Variants in SHISA5 observed in about 807,000 individuals in gnomAD.
The protein encoded by SHISA5 is protein shisa-5.
SHISA5 carries 21 observed loss-of-function variants against 27.5 expected under a neutral mutation model. That is an observed-to-expected ratio of 0.76 (90% CI 0.54 to 1.10). The LOEUF (loss-of-function observed/expected upper bound fraction) is 1.10. Among genes scored for constraint, SHISA5 ranks in the 50% least tolerant of loss-of-function variants. The pLI, the probability that SHISA5 is intolerant of heterozygous loss-of-function variation, is 0.00. For synonymous variants in SHISA5, 137 were observed against 142.2 expected (o/e 0.96, Z 0.26); for missense variants, 314 against 336.3 (o/e 0.93, Z 0.52).
chr3:48,472,696 C>A (rs2040678829), intron 3 of SHISA5, among the ~76,000 whole-genome samples: 1 of 152,070 alleles, frequency 6.6e-6, no homozygotes, highest in African/African-American at 2.4e-5. Flanking sequence ...CCACCCTACC[C>A]CGCCCTGGGA....
intron 3 of SHISA5, among the ~76,000 whole-genome samples, chr3:48,478,026 G>A (rs1270036502): frequency 6.6e-6 from 1 of 152,212 alleles, no homozygotes. Context: ...AGCGCTCCCA[G>A]AACCCTCTGT....
chr3:48,501,281 A>G lies in SHISA5; in HGVS notation c.89T>C (p.Val30Ala). The change falls in exon 2 of 6, where the codon GTG becomes GCG. Residue 30 changes from valine to alanine, a missense_variant. By Grantham distance (64) the Val-to-Ala change is moderately conservative. Transcript: ENST00000296444. The part of the protein sequence containing the change: ...LTPPPGARGE[V>A]CMASRGLSLF... ...GCTGAGTCCACGGGAAGCCATACAC[A>G]CCTCACCACGTGCTGGAGAGGAGAA... 6.2e-7 allele frequency: 1 copy of G among 1,613,712 alleles called. No individual in the cohort carries two copies. Among genetic ancestry groups the G allele is most frequent in the Non-Finnish European group, 8.5e-7 (1 of 1,179,816 alleles).
At chr3:48,497,583 C>T (rs554918816) in intron 2 of SHISA5, among the ~76,000 whole-genome samples, 71 of 151,584 alleles carry the variant, frequency 4.7e-4, no homozygotes, top group Non-Finnish European at 8.0e-4. Flanking sequence ...TCTTAAAAAG[C>T]AATCGGAGGG....
At chr3:48,475,145 T>G (rs1470088820) in intron 3 of SHISA5, among the ~76,000 whole-genome samples, 1 of 151,854 alleles carries the variant, frequency 6.6e-6, no homozygotes, top group Non-Finnish European at 1.5e-5. Flanking sequence ...AATTAATCAA[T>G]AAATATTGGA....
rs576316492 is a variant in SHISA5, at chr3:48,500,241, T to C, written c.233+896A>G. 2.0e-5 allele frequency among the ~76,000 whole-genome samples: 3 copies of C among 152,290 alleles called. No homozygotes were observed. In the South Asian group the frequency reaches 6.2e-4, roughly 32 times the overall value. ...ACCGACTTTGCAAGAACTCAAATAA[T>C]GAAAAGGATGTACCTTATACATAGC... is the stretch of plus-strand genomic sequence containing the variant. On this transcript the variant is annotated intron_variant, in intron 2 of 5. Transcript: ENST00000296444.
intron 2 of SHISA5, among the ~76,000 whole-genome samples, chr3:48,497,707 G>A (rs1003130706): frequency 2.6e-5 from 4 of 151,856 alleles, no homozygotes; most frequent in Admixed American, 6.6e-5. Flanking sequence ...GGCAACATAG[G>A]GAGACCCTGT....
At chr3:48,497,267 T>G (rs1162815991) in intron 2 of SHISA5, among the ~76,000 whole-genome samples, 1 of 147,118 alleles carries the variant, frequency 6.8e-6, no homozygotes, top group Admixed American at 6.7e-5. Context: ...AACAAGTTTT[T>G]TTTTTTTTTT....
Position 48,469,025 on chromosome 3 carries a change from G to A in SHISA5, c.*82C>T. The A allele has an allele frequency of 6.2e-7, 1 of 1,601,196 alleles. No individual in the cohort carries two copies. The highest frequency in any genetic ancestry group is 8.5e-7 in the Non-Finnish European group (1 of 1,176,436). ...GTGCCTGGACACACACAGCACACAT[G>A]GGGCGTAAGGAACCGCGCCTGCACA... is the stretch of plus-strand genomic sequence containing the variant. On this transcript the variant is annotated 3_prime_UTR_variant, in exon 6 of 6. Coordinates refer to ENST00000296444, the MANE Select transcript of SHISA5 (RefSeq NM_016479.6). The surrounding 1 kb of genome is among the most constrained non-coding windows in gnomAD (Gnocchi z 4.6).
chr3:48,483,361 C>A (rs2041086459), intron 2 of SHISA5, among the ~76,000 whole-genome samples: 1 of 151,978 alleles, frequency 6.6e-6, no homozygotes, highest in Admixed American at 6.6e-5. Context: ...TCCATTTAAC[C>A]CTGAGTGGAC....
chr3:48,501,469 G>T (rs2041753821), intron 1 of SHISA5, among the ~76,000 whole-genome samples, 176 bp from the exon 2 acceptor site: 1 of 151,998 alleles, frequency 6.6e-6, no homozygotes, highest in South Asian at 2.1e-4. Flanking sequence ...CCTCAGCCTT[G>T]CCCTATCCCA....
At chr3:48,489,990 T>C (rs1575325512) in intron 2 of SHISA5, among the ~76,000 whole-genome samples, 2 of 152,154 alleles carry the variant, frequency 1.3e-5, no homozygotes, top group South Asian at 4.1e-4. Flanking sequence ...GACAATTCAA[T>C]CATCAAGGCT....
chr3:48,475,363 G>A lies in SHISA5; in HGVS notation c.314+3814C>T, dbSNP rs1019634862. Among the ~76,000 whole-genome samples, 7 of 152,168 alleles carry A rather than the reference G, an allele frequency of 4.6e-5. 1 individual carries two copies. The South Asian group carries it at 1.5e-3, about 32-fold the overall frequency. ...CAAAAGGCAGAGTCGGCCCAAGCAG[G>A]AGGGAGCAGAAGGCAGAGGGGCAGC... On this transcript the variant is annotated intron_variant, in intron 3 of 5. Transcript: ENST00000296444.
chr3:48,475,599 G>A lies in SHISA5; in HGVS notation c.314+3578C>T, dbSNP rs548374998. Among the ~76,000 whole-genome samples, 4 of 152,292 alleles carry A rather than the reference G, an allele frequency of 2.6e-5. No individual in the cohort carries two copies. In the East Asian group the frequency reaches 5.8e-4, roughly 22 times the overall value. On this transcript the variant is annotated intron_variant, in intron 3 of 5. Transcript: ENST00000296444. ...GCTTTGAGGGCTGGGAGGTAGCACC[G>A]GGGCTGTGGCCACACCTCGCCTAAT...
chr3:48,480,605 A>G (rs946505248), intron 2 of SHISA5, among the ~76,000 whole-genome samples: 1 of 152,022 alleles, frequency 6.6e-6, no homozygotes, highest in African/African-American at 2.4e-5. Flanking sequence ...CTAAAAATAC[A>G]AAAATTAGCC....
intron 2 of SHISA5, among the ~76,000 whole-genome samples, chr3:48,486,510 A>T (rs56172269): frequency 3.5e-5 from 4 of 115,132 alleles, no homozygotes; most frequent in African/African-American, 1.0e-4. Context: ...ATAATTATAT[A>T]ATATACAATA....
chr3:48,504,255 A>G (rs2041840206), upstream of SHISA5: 1 of 355,696 alleles, frequency 2.8e-6, no homozygotes, highest in Non-Finnish European at 5.0e-6. The surrounding 1 kb of genome is among the most constrained non-coding windows in gnomAD (Gnocchi z 4.0). Context: ...AGGAGGGAGG[A>G]GGAGGGAGGA....
rs180815597 is a variant in SHISA5 at position 48,480,188 on chromosome 3, C to T, written c.234-931G>A. Among the ~76,000 whole-genome samples, 129 of 152,090 alleles carry T rather than the reference C, an allele frequency of 8.5e-4. 2 individuals carry two copies. The East Asian group carries it at 0.021, about 25-fold the overall frequency. On this transcript the variant is annotated intron_variant, in intron 2 of 5. Transcript: ENST00000296444. Reference sequence around the variant, plus strand: ...AAAGTGCTGGGATTACAGGCGTGAGCCACCACGCCTGGCCTCCACAGAGTT... The same window carrying T: ...AAAGTGCTGGGATTACAGGCGTGAGTCACCACGCCTGGCCTCCACAGAGTT...
At chr3:48,500,842 C>T (rs921870429) in intron 2 of SHISA5, among the ~76,000 whole-genome samples, 4 of 152,154 alleles carry the variant, frequency 2.6e-5, no homozygotes, top group Non-Finnish European at 5.9e-5. Flanking sequence ...CACAGGTACA[C>T]ACCCGGGGTG....
At chr3:48,504,239 A>AGGAGGAGGAG (rs572495577), upstream of SHISA5, 35 of 360,268 alleles carry the variant, frequency 9.7e-5, no homozygotes, top group South Asian at 8.1e-4. This position sits in a 1 kb window ranked among gnomAD's most constrained non-coding sequence, Gnocchi z 4.0. Flanking sequence ...GGGGAGCAGG[A>AGGAGGAGGAG]GGAGGAGGAG....
Sources: gnomAD v4.1 joint callset for allele counts (sites outside exome capture counted in the v4.1 genomes callset) on GRCh38, gnomAD v4.1.1 for gene constraint, Gnocchi (gnomAD v3.1) non-coding constraint, MANE v1.5 for transcripts, NCBI Gene and HGNC (gene_info 2026-07-23, HGNC 2026-07-21) for gene names.